The following TSNARE1 variants were observed in gnomAD, a reference collection of about 807,000 sequenced individuals.
The protein encoded by TSNARE1 is t-SNARE domain containing 1.
In TSNARE1, 49 loss-of-function variants were observed where a neutral mutation model predicts 62.0. The ratio of observed to expected loss-of-function variants is 0.79; its 90% CI spans 0.63 to 1.00. The LOEUF (loss-of-function observed/expected upper bound fraction) is 1.00, where lower values mean the gene tolerates loss of function less well. Ranked by LOEUF, TSNARE1 falls within the 50% of genes least tolerant of loss-of-function variation. The pLI, the probability that TSNARE1 is intolerant of heterozygous loss-of-function variation, is 0.00. For synonymous variants in TSNARE1, 328 were observed against 294.4 expected (o/e 1.11, Z -1.17); for missense variants, 755 against 700.1 (o/e 1.08, Z -0.88).
At chr8:142,299,471 G>A (rs1393422121) in intron 10 of TSNARE1, among the ~76,000 whole-genome samples, 2 of 152,242 alleles carry the variant, frequency 1.3e-5, no homozygotes, top group South Asian at 2.1e-4. Flanking sequence ...GTGGCCAGAG[G>A]AAGGGAAGGA....
At chr8:142,363,998 G>A (rs552536300) in intron 1 of TSNARE1, among the ~76,000 whole-genome samples, 1 of 152,336 alleles carries the variant, frequency 6.6e-6, no homozygotes, top group Non-Finnish European at 1.5e-5. Flanking sequence ...CCTGTACCAG[G>A]AATTCTCTAA....
At chr8:142,390,176 G>C (rs972795658) in intron 1 of TSNARE1, among the ~76,000 whole-genome samples, 1 of 152,250 alleles carries the variant, frequency 6.6e-6, no homozygotes, top group African/African-American at 2.4e-5. Context: ...GCCTGCGTGC[G>C]TCAGGGAGTG....
intron 12 of TSNARE1, among the ~76,000 whole-genome samples, chr8:142,260,995 G>GAA (rs1563786649): frequency 1.4e-4 from 5 of 36,518 alleles, no homozygotes; most frequent in Non-Finnish European, 2.7e-4. Context: ...GAGAGAGGGA[G>GAA]GGGGGTGGGG....
intron 12 of TSNARE1, among the ~76,000 whole-genome samples, chr8:142,230,075 A>G (rs1382010571): frequency 6.6e-6 from 1 of 152,218 alleles, no homozygotes; most frequent in Non-Finnish European, 1.5e-5. Context: ...TGTGGCTATT[A>G]CTAATTTAAA....
chr8:142,276,512 G>A (rs1586956067), intron 11 of TSNARE1: 16 of 985,492 alleles, frequency 1.6e-5, no homozygotes, highest in African/African-American at 1.7e-5. Flanking sequence ...TTGCTGAGAG[G>A]TGAATGTGGA....
intron 11 of TSNARE1, chr8:142,276,486 C>A (rs1182971946): frequency 1.0e-6 from 1 of 985,372 alleles, no homozygotes; most frequent in Non-Finnish European, 1.2e-6. Context: ...GTGGTAACAG[C>A]CTGGCCTCGC....
upstream of TSNARE1, among the ~76,000 whole-genome samples, chr8:142,403,446 G>A (rs1230808753): frequency 3.3e-5 from 5 of 152,046 alleles, no homozygotes; most frequent in Non-Finnish European, 7.4e-5. Flanking sequence ...CACGTGGAGG[G>A]CGGCGGCCCG....
At chr8:142,337,693 G>A (rs1321868166) in intron 4 of TSNARE1, among the ~76,000 whole-genome samples, 3 of 152,130 alleles carry the variant, frequency 2.0e-5, no homozygotes, top group Admixed American at 1.3e-4. Context: ...ACACCACCAC[G>A]GCACTCCTGC....
intron 4 of TSNARE1, among the ~76,000 whole-genome samples, chr8:142,332,641 G>T (rs370131948): frequency 6.6e-6 from 1 of 152,140 alleles, no homozygotes; most frequent in Non-Finnish European, 1.5e-5. Flanking sequence ...TGGAACGCTC[G>T]CCCGCTGCAT....
chr8:142,386,194 C>G (rs1281838660), intron 1 of TSNARE1, among the ~76,000 whole-genome samples: 1 of 152,152 alleles, frequency 6.6e-6, no homozygotes, highest in African/African-American at 2.4e-5. Context: ...TGCAAAGACC[C>G]TTTTGCCATG....
chr8:142,324,495 C>T (rs1223212700), intron 6 of TSNARE1, among the ~76,000 whole-genome samples: 3 of 152,210 alleles, frequency 2.0e-5, no homozygotes, highest in Non-Finnish European at 2.9e-5. Flanking sequence ...TGCCCTAGCG[C>T]CCTGCCCTAG....
At position 142,291,101 on chromosome 8, in the gene TSNARE1, T is replaced by A. The variant is rs115698079; in HGVS notation, c.1291-6616A>T. Among the ~76,000 whole-genome samples the A allele has an allele frequency of 0.011, 1,605 of 152,142 alleles. 31 individuals are homozygous for A. The highest frequency in any genetic ancestry group is 0.036 in the African/African-American group (1,475 of 41,524). On this transcript the variant is annotated intron_variant, in intron 10 of 13. Coordinates refer to ENST00000524325, the MANE Select transcript of TSNARE1 (RefSeq NM_145003.5). The surrounding 1 kb of genome is among the most constrained non-coding windows in gnomAD (Gnocchi z 4.8). ...TGAATTGCTGCTCGCCACCCGCTGCTCAGGACTGGTGTCCTCAGCTGGGGA... is the reference window on the plus strand; with the variant it reads ...TGAATTGCTGCTCGCCACCCGCTGCACAGGACTGGTGTCCTCAGCTGGGGA...
chr8:142,352,342 C>G (rs1302771637), intron 2 of TSNARE1, among the ~76,000 whole-genome samples: 5 of 152,282 alleles, frequency 3.3e-5, no homozygotes, highest in African/African-American at 1.2e-4. Flanking sequence ...AAGCCACACC[C>G]ACCAGGCTGG....
At chr8:142,261,715 C>T (rs556153439) in intron 12 of TSNARE1, among the ~76,000 whole-genome samples, 7 of 152,118 alleles carry the variant, frequency 4.6e-5, no homozygotes, top group East Asian at 1.9e-4. Context: ...TGCGTTTTCC[C>T]GGCCTTCCTG....
Position 142,275,016 on chromosome 8 carries a change from C to T in TSNARE1, c.1364-153G>A, listed in dbSNP as rs1047235901. The T allele has an allele frequency of 2.1e-5, 21 of 985,418 alleles. No homozygotes were observed. In the Admixed American group the frequency reaches 8.0e-4, roughly 37 times the overall value. 61.0% of individuals were successfully genotyped at this position (985,418 alleles called of 1,614,324 possible). A position where few individuals can be genotyped will look rare whatever the true frequency, so the allele number is the denominator to read the frequency against. On this transcript the variant is annotated intron_variant, in intron 11 of 13. Transcript: ENST00000524325. ...ATGGGCGCTGGGCTGCCAGACGTGC[C>T]GAGGGCTCCGCGTGGTGTGGGCAGT...
intron 12 of TSNARE1, among the ~76,000 whole-genome samples, chr8:142,241,012 C>T (rs561818510): frequency 5.6e-4 from 85 of 152,284 alleles, no homozygotes; most frequent in African/African-American, 2.0e-3. Context: ...TGAAAGTCCT[C>T]GCCAGTGTAA....
chr8:142,373,890 G>T (rs75972995), intron 1 of TSNARE1, among the ~76,000 whole-genome samples: 1 of 152,094 alleles, frequency 6.6e-6, no homozygotes, highest in African/African-American at 2.4e-5. Flanking sequence ...CACAGCCAGC[G>T]GCACACCCAG....
At chr8:142,394,933 A>G (rs1342796095) in intron 1 of TSNARE1, among the ~76,000 whole-genome samples, 1 of 152,180 alleles carries the variant, frequency 6.6e-6, no homozygotes, top group African/African-American at 2.4e-5. Flanking sequence ...CCAAGTCTCC[A>G]TAAGGAGAGA....
intron 12 of TSNARE1, among the ~76,000 whole-genome samples, chr8:142,264,020 T>A (rs1269991657): frequency 6.6e-6 from 1 of 152,244 alleles, no homozygotes; most frequent in Non-Finnish European, 1.5e-5. Context: ...CTTTTTAATG[T>A]CTATTTTAAT....
Sources: allele counts gnomAD v4.1 joint callset (sites outside exome capture counted in the v4.1 genomes callset), GRCh38; gene constraint gnomAD v4.1.1; non-coding constraint Gnocchi (gnomAD v3.1); transcripts MANE v1.5; gene names NCBI Gene and HGNC (gene_info 2026-07-23, HGNC 2026-07-21).